The following CEP63 variants were observed in gnomAD, a reference collection of about 807,000 sequenced individuals.
The protein encoded by CEP63 is centrosomal protein 63, also known as centrosomal protein of 63 kDa.
A neutral mutation model predicts 89.1 loss-of-function variants in CEP63; 84 were observed. The ratio of observed to expected loss-of-function variants is 0.94; its 90% CI spans 0.79 to 1.13. The LOEUF (loss-of-function observed/expected upper bound fraction) is 1.13, where lower values mean the gene tolerates loss of function less well. Ranked by LOEUF, CEP63 falls within the 50% of genes most tolerant of loss-of-function variation. The probability of loss-of-function intolerance (pLI) is 0.00; values close to 1 mark genes in which losing one functional copy is unlikely to be tolerated. For missense variants in CEP63, 838 were observed against 813.3 expected (o/e 1.03, Z -0.37); for synonymous variants, 267 against 272.5 (o/e 0.98, Z 0.20).
At chr3:134,590,212 C>T (rs1288156501), downstream of CEP63, among the ~76,000 whole-genome samples, 2 of 151,960 alleles carry the variant, frequency 1.3e-5, no homozygotes, top group African/African-American at 4.8e-5. Flanking sequence ...ACATAAAAAA[C>T]CTGTACATAT....
intron 3 of CEP63, among the ~76,000 whole-genome samples, chr3:134,508,833 A>G (rs140503861): frequency 3.2e-4 from 49 of 152,270 alleles, no homozygotes; most frequent in African/African-American, 1.1e-3. Context: ...TCTCTGGTTA[A>G]TTTGCTACTT....
chr3:134,609,898 A>G, the CEP63 span, among the ~76,000 whole-genome samples: 95,604 of 152,188 alleles, frequency 0.63, 30,472 homozygotes, highest in East Asian at 0.87. Context: ...CTATTAGCCC[A>G]CCTTTCCTCA....
chr3:134,704,607 A>G, the CEP63 span, among the ~76,000 whole-genome samples: 1 of 152,220 alleles, frequency 6.6e-6, no homozygotes, highest in African/African-American at 2.4e-5. Context: ...CCATGGGGAG[A>G]CATTTCCAGC....
the CEP63 span, chr3:134,625,241 C>T: frequency 3.9e-5 from 33 of 839,520 alleles, no homozygotes; most frequent in South Asian, 4.4e-4. Flanking sequence ...CAACCTTTAA[C>T]ACAATTCTCA....
intron 6 of CEP63, among the ~76,000 whole-genome samples, chr3:134,543,967 A>G (rs2109500387): frequency 6.6e-6 from 1 of 152,266 alleles, no homozygotes; most frequent in Non-Finnish European, 1.5e-5. Context: ...TGGTTAAAAA[A>G]AAAAAAAGGC....
intron 3 of CEP63, among the ~76,000 whole-genome samples, chr3:134,514,558 G>GA (rs369391388): frequency 4.0e-4 from 60 of 151,616 alleles, no homozygotes; most frequent in African/African-American, 1.3e-3. Flanking sequence ...AGCAATCAAA[G>GA]AAAAAAAAGA....
the CEP63 span, among the ~76,000 whole-genome samples, chr3:134,758,348 T>C: frequency 6.6e-6 from 1 of 152,230 alleles, no homozygotes; most frequent in African/African-American, 2.4e-5. Flanking sequence ...ATGTCTTGAT[T>C]TGTCAGTAGC....
intron 3 of CEP63, among the ~76,000 whole-genome samples, chr3:134,524,310 A>G (rs1948169585): frequency 6.6e-6 from 1 of 152,210 alleles, no homozygotes; most frequent in Admixed American, 6.5e-5. Flanking sequence ...TTTTCTAGAT[A>G]GAGGATCATG....
At chr3:134,542,516 G>C (rs1362108466) in intron 6 of CEP63, among the ~76,000 whole-genome samples, 1 of 152,222 alleles carries the variant, frequency 6.6e-6, no homozygotes, top group Non-Finnish European at 1.5e-5. Context: ...GGAGTTGACA[G>C]TGATGGGGAG....
At chr3:134,748,540 A>G in the CEP63 span, among the ~76,000 whole-genome samples, 2 of 152,150 alleles carry the variant, frequency 1.3e-5, no homozygotes, top group East Asian at 1.9e-4. Flanking sequence ...CCCAGAAGAC[A>G]TGCCATCATG....
At chr3:134,534,110 T>C (rs780258048) in intron 5 of CEP63, among the ~76,000 whole-genome samples, 3 of 152,182 alleles carry the variant, frequency 2.0e-5, no homozygotes, top group African/African-American at 2.4e-5. Context: ...ACAACCAAAA[T>C]AGTCATCGTC....
At chr3:134,644,837 A>G in the CEP63 span, among the ~76,000 whole-genome samples, 5 of 152,284 alleles carry the variant, frequency 3.3e-5, no homozygotes, top group South Asian at 2.1e-4. Flanking sequence ...GCCTTCTCCT[A>G]TGAACAGGCC....
chr3:134,491,419 A>G (rs762656744), intron 1 of CEP63, among the ~76,000 whole-genome samples: 11 of 152,056 alleles, frequency 7.2e-5, no homozygotes, highest in Non-Finnish European at 1.2e-4. Flanking sequence ...TTTTTGCCTA[A>G]TCTTTTATAA....
At chr3:134,612,246 G>A in the CEP63 span, among the ~76,000 whole-genome samples, 18 of 152,310 alleles carry the variant, frequency 1.2e-4, no homozygotes, top group South Asian at 3.5e-3. Context: ...GCTTCTGGGA[G>A]CACTTGAGGG....
At chr3:134,607,184 T>C in the CEP63 span, 93 of 985,496 alleles carry the variant, frequency 9.4e-5, 1 homozygote, top group Admixed American at 5.6e-3. Context: ...CCTGCATCTG[T>C]TGTAAGCACA....
chr3:134,551,990 A>G lies in CEP63; in HGVS notation c.1445A>G (p.Lys482Arg). The G allele has an allele frequency of 1.9e-6, 3 of 1,603,116 alleles. No individual in the cohort carries two copies. Among genetic ancestry groups the G allele is most frequent in the Non-Finnish European group, 2.6e-6 (3 of 1,172,208 alleles). Residue 482 changes from lysine to arginine, a missense_variant, in exon 12 of 15, where the codon AAA becomes AGA. By Grantham distance (26) the Lys-to-Arg change is conservative. Coordinates refer to ENST00000675561, the MANE Select transcript of CEP63 (RefSeq NM_001353108.3). ...ENRHLSEMVM[K>R]LELGLHEAKE... is the part of the protein sequence containing the mutation. Reference sequence around the variant, plus strand: ...CGTCATCTTTCTGAAATGGTGATGAAATTGGAATTGGGTTTACATGAGGTA... The same window carrying G: ...CGTCATCTTTCTGAAATGGTGATGAGATTGGAATTGGGTTTACATGAGGTA...
At chr3:134,769,680 C>T in the CEP63 span, among the ~76,000 whole-genome samples, 1 of 152,202 alleles carries the variant, frequency 6.6e-6, no homozygotes. Context: ...ATTGGAGTAA[C>T]CCCAAGGCCT....
the CEP63 span, among the ~76,000 whole-genome samples, chr3:134,611,001 C>T: frequency 6.6e-5 from 10 of 152,160 alleles, no homozygotes; most frequent in Non-Finnish European, 1.3e-4. Context: ...CAGCCCTGGC[C>T]CAGGGAGGAC....
intron 6 of CEP63, among the ~76,000 whole-genome samples, chr3:134,542,940 C>CAA (rs10645147): frequency 0.63 from 92,693 of 147,590 alleles, 29,354 homozygotes; most frequent in East Asian, 0.8. Context: ...GTGGTTAGTG[C>CAA]AAAAAAAAAA....
Sources: gnomAD v4.1 joint callset for allele counts (sites outside exome capture counted in the v4.1 genomes callset) on GRCh38, gnomAD v4.1.1 for gene constraint, MANE v1.5 for transcripts, NCBI Gene and HGNC (gene_info 2026-07-23, HGNC 2026-07-21) for gene names.